NCAPH: variants seen among roughly 807,000 people sequenced by gnomAD.
NCAPH encodes condensin complex subunit 2.
In NCAPH, 38 loss-of-function variants were observed where a neutral mutation model predicts 85.5. The observed-to-expected ratio is 0.44, with a 90% CI of 0.34 to 0.58. The LOEUF (loss-of-function observed/expected upper bound fraction) is 0.58, where lower values mean the gene tolerates loss of function less well. NCAPH is among the 20% of genes least tolerant of loss of function. The pLI, the probability that NCAPH is intolerant of heterozygous loss-of-function variation, is 0.01. For missense variants in NCAPH, 789 were observed against 916.6 expected (o/e 0.86, Z 1.80); for synonymous variants, 301 against 335.1 (o/e 0.90, Z 1.11).
rs572235245 is a variant in NCAPH, at chr2:96,367,500, G to A, written c.1998+127G>A. ...AGAAATGTTCGTTCAAAAATACAAG[G>A]AGCTGGGCATGGTGGCTCACACGTG... On this transcript the variant is annotated intron_variant, in intron 15 of 17. Transcript: ENST00000240423. 8 of 640,150 alleles carry A rather than the reference G, an allele frequency of 1.2e-5. No individual in the cohort carries two copies. In the East Asian group the frequency reaches 2.3e-4, roughly 19 times the overall value. The allele number at this position is 640,150 out of a possible 1,614,324, so 39.7% of individuals were successfully genotyped here. A position where few individuals can be genotyped will look rare whatever the true frequency, so the allele number is the denominator to read the frequency against.
chr2:96,339,964 C>G (rs1374216528), intron 1 of NCAPH, among the ~76,000 whole-genome samples: 1 of 152,026 alleles, frequency 6.6e-6, no homozygotes, highest in African/African-American at 2.4e-5. Flanking sequence ...ACTCTGTTGC[C>G]CCGGCTAGAG....
intron 1 of NCAPH, 78 bp from the exon 2 acceptor site, chr2:96,341,564 C>A: frequency 6.6e-7 from 1 of 1,525,050 alleles, no homozygotes; most frequent in Middle Eastern, 1.8e-4. Context: ...GAACCTCCAC[C>A]CCTGTGACAG....
chr2:96,352,759 T>C (rs552022653), intron 7 of NCAPH, among the ~76,000 whole-genome samples: 12 of 152,378 alleles, frequency 7.9e-5, no homozygotes, highest in African/African-American at 2.9e-4. Flanking sequence ...CCCTCCAGGC[T>C]GGGCAGTTGT....
chr2:96,361,781 TACAC>T (rs1394398603), intron 12 of NCAPH, among the ~76,000 whole-genome samples: 12 of 135,292 alleles, frequency 8.9e-5, no homozygotes, highest in South Asian at 2.5e-4. Flanking sequence ...TATATATATA[TACAC>T]ATATATATGT....
In NCAPH at chr2:96,354,285, C is replaced by T. The variant is rs2104456363; in HGVS notation, c.1105C>T (p.Leu369=). 1 of 1,614,038 alleles carries T rather than the reference C, an allele frequency of 6.2e-7. No homozygotes were observed. Among genetic ancestry groups the T allele is most frequent in the Non-Finnish European group, 8.5e-7 (1 of 1,179,984 alleles). Reference sequence around the variant, plus strand: ...CTGTGGAGACTTCCCCGATGGGTCCCTGGGGGATGACTTTGATGCCAACGA... The same window carrying T: ...CTGTGGAGACTTCCCCGATGGGTCCTTGGGGGATGACTTTGATGCCAACGA... ...SDCGDFPDGS[L]GDDFDANDEP... The change falls in exon 9 of 18, where the codon CTG becomes TTG. Residue 369 remains leucine, a synonymous_variant. Coordinates refer to ENST00000240423, the MANE Select transcript of NCAPH (RefSeq NM_015341.5).
intron 6 of NCAPH, among the ~76,000 whole-genome samples, chr2:96,350,379 C>T (rs568169197): frequency 3.3e-5 from 5 of 152,284 alleles, no homozygotes; most frequent in South Asian, 4.1e-4. Context: ...AGTATAGTTC[C>T]GTTAACTACC....
At chr2:96,360,346 G>T (rs1022110012) in intron 11 of NCAPH, 97 bp downstream of exon 11, 5 of 849,598 alleles carry the variant, frequency 5.9e-6, no homozygotes, top group Non-Finnish European at 3.7e-6. Context: ...AGAGCAAACA[G>T]ATGGTTTCAT....
At position 96,353,367 on chromosome 2, in the gene NCAPH, T is replaced by C; in HGVS notation, c.972T>C (p.Phe324=). 6.2e-7 allele frequency: 1 copy of C among 1,614,242 alleles called. No individual in the cohort carries two copies. Among genetic ancestry groups the C allele is most frequent in the Non-Finnish European group, 8.5e-7 (1 of 1,180,032 alleles). Residue 324 remains phenylalanine, a synonymous_variant, in exon 8 of 18, where the codon TTT becomes TTC. Coordinates refer to ENST00000240423, the MANE Select transcript of NCAPH (RefSeq NM_015341.5). ...GCCCTTCCCTGGCCGGGTTCCAGTT[T>C]ACACAGTGGGACAGTGAAACACATA... ...QICPSLAGFQ[F]TQWDSETHNE... is the part of the protein sequence containing the mutation.
chr2:96,360,123 C>T lies in NCAPH; in HGVS notation c.1358-20C>T, dbSNP rs188755568. ...TTAGGCCACAGAAGTGAAGTGCTGA[C>T]GTCTGTGTTCACTCTGCAGAAGATG... On this transcript the variant is annotated intron_variant, in intron 10 of 17. Transcript: ENST00000240423. 7,617 of 1,346,186 alleles carry T rather than the reference C, an allele frequency of 5.7e-3. 29 individuals carry two copies. The highest frequency in any genetic ancestry group is 6.4e-3 in the Non-Finnish European group (6,018 of 941,832). The allele number at this position is 1,346,186 out of a possible 1,614,324, so 83.4% of individuals were successfully genotyped here. A position where few individuals can be genotyped will look rare whatever the true frequency, so the allele number is the denominator to read the frequency against.
Position 96,335,863 on chromosome 2 carries a change from CG to C in NCAPH, c.19+18del. ...TCCCGGCCCAGGTGAGCCGGGCGGT[CG>C]GGAGGCGCGGCGGGAAGGGCCCCTA... On this transcript the variant is annotated intron_variant, in intron 1 of 17. Coordinates refer to ENST00000240423, the MANE Select transcript of NCAPH (RefSeq NM_015341.5). 1.4e-6 allele frequency: 2 copies of C among 1,473,142 alleles called. No individual in the cohort carries two copies. Among genetic ancestry groups the C allele is most frequent in the Admixed American group, 2.7e-5 (1 of 36,400 alleles). 91.3% of individuals were successfully genotyped at this position (1,473,142 alleles called of 1,614,324 possible).
At chr2:96,336,719 T>G (rs1419905560) in intron 1 of NCAPH, among the ~76,000 whole-genome samples, 1 of 152,172 alleles carries the variant, frequency 6.6e-6, no homozygotes. Context: ...TATGGACCAC[T>G]CAGGGAAGTG....
At chr2:96,373,190 A>G (rs2064796035) in intron 17 of NCAPH, 102 bp from the exon 18 acceptor site, 1 of 943,168 alleles carries the variant, frequency 1.1e-6, no homozygotes, top group Non-Finnish European at 1.6e-6. Context: ...TCATGGGACA[A>G]ACTTTCTTCT....
intron 9 of NCAPH, among the ~76,000 whole-genome samples, chr2:96,357,006 C>T (rs539846743): frequency 9.2e-5 from 14 of 152,290 alleles, no homozygotes; most frequent in African/African-American, 2.9e-4. Flanking sequence ...CAACAGCAGC[C>T]CAAGAACACT....
At chr2:96,344,334 T>C (rs1367507885) in intron 6 of NCAPH, 105 bp downstream of exon 6, 6 of 1,320,360 alleles carry the variant, frequency 4.5e-6, no homozygotes, top group Admixed American at 2.8e-5. Flanking sequence ...TGTTTAAGCC[T>C]CAAGGGAGTA....
Position 96,341,670 on chromosome 2 carries a change from T to C in NCAPH, c.48T>C (p.Ser16=), listed in dbSNP as rs1196317148. ...PALPATMNNS[S]SETRGHPHSA... is the part of the protein sequence containing the mutation. Reference sequence around the variant, plus strand: ...TGCCAGCCACAATGAATAACTCTTCTTCAGAGACGCGAGGACACCCCCACA... The same window carrying C: ...TGCCAGCCACAATGAATAACTCTTCCTCAGAGACGCGAGGACACCCCCACA... Residue 16 remains serine (S), a synonymous_variant, in exon 2 of 18, where the codon TCT becomes TCC. Coordinates refer to ENST00000240423, the MANE Select transcript of NCAPH (RefSeq NM_015341.5). 6.2e-7 allele frequency: 1 copy of C among 1,613,912 alleles called. No individual in the cohort carries two copies. The highest frequency in any genetic ancestry group is 1.3e-5 in the African/African-American group (1 of 74,914).
rs947498769 is a variant in NCAPH at position 96,341,770 on chromosome 2, C to G, written c.148C>G (p.Pro50Ala). Reference sequence around the variant, plus strand: ...GGCGCCTCTCAATATTCCTGGCACCCCAGTCCTCGAAGACTTTCCTCAGAA... The same window carrying G: ...GGCGCCTCTCAATATTCCTGGCACCGCAGTCCTCGAAGACTTTCCTCAGAA... ...RKAPLNIPGT[P>A]VLEDFPQNDD... is the part of the protein sequence containing the mutation. The change falls in exon 2 of 18, where the codon CCA becomes GCA. Residue 50 changes from proline (P) to alanine (A), a missense_variant. Pro to Ala is a conservative substitution (Grantham distance 27). Coordinates refer to ENST00000240423, the MANE Select transcript of NCAPH (RefSeq NM_015341.5). 8.1e-6 allele frequency: 13 copies of G among 1,614,042 alleles called. No individual in the cohort carries two copies. Among genetic ancestry groups the G allele is most frequent in the African/African-American group, 8.0e-5 (6 of 74,916 alleles).
Position 96,373,555 on chromosome 2 carries a change from C to A in NCAPH, c.*204C>A. On this transcript the variant is annotated 3_prime_UTR_variant, in exon 18 of 18. Coordinates refer to ENST00000240423, the MANE Select transcript of NCAPH (RefSeq NM_015341.5). ...GAAGCTCCGTGCTCAACTGATTAAA[C>A]TTTACTGCCCTATGGTGACCATCTA... 3.6e-6 allele frequency: 2 copies of A among 548,464 alleles called. No homozygotes were observed. Among genetic ancestry groups the A allele is most frequent in the Non-Finnish European group, 6.5e-6 (2 of 305,930 alleles). The allele number at this position is 548,464 out of a possible 1,614,324, so 34.0% of individuals were successfully genotyped here.
chr2:96,371,195 C>A (rs949815984), intron 17 of NCAPH, among the ~76,000 whole-genome samples: 1 of 152,042 alleles, frequency 6.6e-6, no homozygotes, highest in African/African-American at 2.4e-5. Context: ...TGAGAAGTGT[C>A]GGGGGAGGCC....
rs1202113646 is a variant in NCAPH at position 96,375,530 on chromosome 2, C to T, written c.*2179C>T. Among the ~76,000 whole-genome samples the T allele has an allele frequency of 2.6e-5, 4 of 152,278 alleles. No homozygotes were observed. The East Asian group carries it at 7.7e-4, about 29-fold the overall frequency. ...AAGGCACCATCTGTGAGCAAGGAGCCCCTCACCAGACAGCAAATCTGCCGG... is the reference window on the plus strand; with the variant it reads ...AAGGCACCATCTGTGAGCAAGGAGCTCCTCACCAGACAGCAAATCTGCCGG... On this transcript the variant is annotated 3_prime_UTR_variant, in exon 18 of 18. Transcript: ENST00000240423.
Sources: allele counts gnomAD v4.1 joint callset (sites outside exome capture counted in the v4.1 genomes callset), GRCh38; gene constraint gnomAD v4.1.1; transcripts MANE v1.5; gene names NCBI Gene and HGNC (gene_info 2026-07-23, HGNC 2026-07-21).